ABHD2: variants seen among roughly 807,000 people sequenced by gnomAD.
ABHD2 encodes the protein abhydrolase domain containing 2, acylglycerol lipase.
Under a neutral mutation model 48.1 loss-of-function variants are expected in ABHD2, and 20 were observed. The observed-to-expected ratio is 0.42, with a 90% CI of 0.29 to 0.60. The LOEUF (loss-of-function observed/expected upper bound fraction) is 0.60. Ranked by LOEUF, ABHD2 falls within the 20% of genes least tolerant of loss-of-function variation. The pLI is 0.24. For missense variants in ABHD2, 405 were observed against 550.9 expected, an observed-to-expected ratio of 0.74 and a Z score of 2.65; for synonymous variants, 209 against 214.2, an observed-to-expected ratio of 0.98 and a Z score of 0.21.
In ABHD2 at chr15:89,201,612, T is replaced by C. The variant is rs1175510401; in HGVS notation, c.*6189T>C. Reference sequence around the variant, plus strand: ...TGACCCTGGGTCAATAATTCCACTGTTGGGCCTCACACAGTACCGGTGAGG... The same window carrying C: ...TGACCCTGGGTCAATAATTCCACTGCTGGGCCTCACACAGTACCGGTGAGG... On this transcript the variant is annotated 3_prime_UTR_variant, in exon 11 of 11. Coordinates refer to ENST00000352732, the MANE Select transcript of ABHD2 (RefSeq NM_152924.5). The C allele has an allele frequency of 6.3e-7, 1 of 1,594,238 alleles. No individual in the cohort carries two copies. The highest frequency in any genetic ancestry group is 8.6e-7 in the Non-Finnish European group (1 of 1,161,904).
At chr15:89,057,771 GA>G in the ABHD2 span, among the ~76,000 whole-genome samples, 196 of 137,362 alleles carry the variant, frequency 1.4e-3, no homozygotes, top group East Asian at 2.7e-3. Flanking sequence ...AAGAAGGAAT[GA>G]AAAAAAAAAA....
In ABHD2 at chr15:89,146,377, T is replaced by C. The variant is rs937063347; in HGVS notation, c.195-5300T>C. 6.7e-6 allele frequency among the ~76,000 whole-genome samples: 1 copy of C among 150,372 alleles called. No homozygotes were observed. The highest frequency in any genetic ancestry group is 2.5e-5 in the African/African-American group (1 of 40,734). On this transcript the variant is annotated intron_variant, in intron 3 of 10. Coordinates refer to ENST00000352732, the MANE Select transcript of ABHD2 (RefSeq NM_152924.5). The surrounding 1 kb of genome is among the most constrained non-coding windows in gnomAD (Gnocchi z 4.2). ...GTACGTGTGTGTGTGTGTGTGTGTG[T>C]GTGTGTGTGTGTGTGTGTGTGTACG... is the stretch of plus-strand genomic sequence containing the variant.
chr15:89,089,451 G>A (rs993547784), intron 1 of ABHD2, among the ~76,000 whole-genome samples: 2 of 152,248 alleles, frequency 1.3e-5, no homozygotes, highest in African/African-American at 4.8e-5. Context: ...TATACAAAAA[G>A]ATAGAGGTTT....
In ABHD2 at chr15:89,094,830, A is replaced by T. The variant is rs2049586699; in HGVS notation, c.-107+6267A>T. On this transcript the variant is annotated intron_variant, in intron 1 of 10. Transcript: ENST00000352732. This position sits in a 1 kb window ranked among gnomAD's most constrained non-coding sequence, Gnocchi z 4.7. ...GTAATCCCAGTACTTTGAGAGGCCG[A>T]GGCAGGCGGATCACTTGAGACCAGG... Among the ~76,000 whole-genome samples the T allele has an allele frequency of 2.0e-5, 3 of 152,270 alleles. No individual in the cohort carries two copies. The highest frequency in any genetic ancestry group is 2.1e-4 in the South Asian group (1 of 4,828).
intron 6 of ABHD2, among the ~76,000 whole-genome samples, chr15:89,180,768 C>A (rs4932481): frequency 6.6e-6 from 1 of 151,972 alleles, no homozygotes; most frequent in Non-Finnish European, 1.5e-5. Context: ...GGTTTTGCCC[C>A]CACTGCAGGA....
chr15:89,162,799 A>G (rs2150907298), intron 5 of ABHD2, among the ~76,000 whole-genome samples: 1 of 152,140 alleles, frequency 6.6e-6, no homozygotes, highest in East Asian at 1.9e-4. Context: ...ATTTGTTTAT[A>G]TGGCTATCAT....
In ABHD2 at chr15:89,195,469, G is replaced by A; in HGVS notation, c.*46G>A. Reference sequence around the variant, plus strand: ...CTCCAGCAGCCCTCCTCTGGAAGCTGCGTCCCCTCACCCCCTGTTTCAGGT... The same window carrying A: ...CTCCAGCAGCCCTCCTCTGGAAGCTACGTCCCCTCACCCCCTGTTTCAGGT... On this transcript the variant is annotated 3_prime_UTR_variant, in exon 11 of 11. Transcript: ENST00000352732. This position sits in a 1 kb window ranked among gnomAD's most constrained non-coding sequence, Gnocchi z 5.1. 6.3e-7 allele frequency: 1 copy of A among 1,582,060 alleles called. No individual in the cohort carries two copies. The highest frequency in any genetic ancestry group is 8.6e-7 in the Non-Finnish European group (1 of 1,164,704).
Position 89,188,640 on chromosome 15 carries a change from T to A in ABHD2, c.926+337T>A, listed in dbSNP as rs576833951. Among the ~76,000 whole-genome samples, 1 of 152,282 alleles carries A rather than the reference T, an allele frequency of 6.6e-6. No homozygotes were observed. Among genetic ancestry groups the A allele is most frequent in the South Asian group, 2.1e-4 (1 of 4,832 alleles). On this transcript the variant is annotated intron_variant, in intron 8 of 10. Coordinates refer to ENST00000352732, the MANE Select transcript of ABHD2 (RefSeq NM_152924.5). The surrounding 1 kb of genome is among the most constrained non-coding windows in gnomAD (Gnocchi z 4.1). ...CCTCAACACCAGGGCAAGTGTCAGG[T>A]GCCACATAAATCTGCATTTCGCAGT...
At chr15:89,141,651 G>A (rs1011124932) in intron 3 of ABHD2, among the ~76,000 whole-genome samples, 1 of 152,154 alleles carries the variant, frequency 6.6e-6, no homozygotes, top group African/African-American at 2.4e-5. Context: ...AGGAAGAGGG[G>A]AAGAGGGAGT....
chr15:89,069,672 C>CTGTTT, the ABHD2 span, among the ~76,000 whole-genome samples: 1 of 25,802 alleles, frequency 3.9e-5, no homozygotes, highest in South Asian at 1.7e-3. Context: ...TGTTCATTTA[C>CTGTTT]TCTTTTTTTT....
In ABHD2 at chr15:89,110,308, C is replaced by T. The variant is rs552197140; in HGVS notation, c.-106-3417C>T. 2.3e-4 allele frequency among the ~76,000 whole-genome samples: 35 copies of T among 152,228 alleles called. No individual in the cohort carries two copies. In the East Asian group the frequency reaches 6.6e-3, roughly 29 times the overall value. On this transcript the variant is annotated intron_variant, in intron 1 of 10. Transcript: ENST00000352732. Reference sequence around the variant, plus strand: ...AACTCCTGGTCTCAAGTGATCCGCCCGCCTCGGCCTGCAAAGTGCTAGGAT... The same window carrying T: ...AACTCCTGGTCTCAAGTGATCCGCCTGCCTCGGCCTGCAAAGTGCTAGGAT...
the ABHD2 span, among the ~76,000 whole-genome samples, chr15:89,046,797 T>C: frequency 6.6e-6 from 1 of 152,208 alleles, no homozygotes; most frequent in African/African-American, 2.4e-5. Flanking sequence ...CTTTTTTTCT[T>C]ATTAGTCTTG....
chr15:89,161,876 C>T (rs75287005), intron 5 of ABHD2, among the ~76,000 whole-genome samples: 5 of 152,168 alleles, frequency 3.3e-5, no homozygotes, highest in East Asian at 1.9e-4. Context: ...ATTTTCTCAC[C>T]GTTCTGGGGC....
intron 5 of ABHD2, among the ~76,000 whole-genome samples, chr15:89,159,106 G>C (rs1049942488): frequency 3.3e-5 from 5 of 152,098 alleles, no homozygotes; most frequent in African/African-American, 1.2e-4. Flanking sequence ...GCCGGGCACG[G>C]TGGCTCATGC....
chr15:89,155,629 T>G lies in ABHD2; in HGVS notation c.538+95T>G. 6.9e-7 allele frequency: 1 copy of G among 1,449,988 alleles called. No individual in the cohort carries two copies. The highest frequency in any genetic ancestry group is 9.3e-7 in the Non-Finnish European group (1 of 1,073,688). The allele number at this position is 1,449,988 out of a possible 1,614,324, so 89.8% of individuals were successfully genotyped here. A position where few individuals can be genotyped will look rare whatever the true frequency, so the allele number is the denominator to read the frequency against. ...TTTCTTTTTTTAAGTTTTAAACCTA[T>G]GCCCATCTGCAAGAGATGGTAGGTC... On this transcript the variant is annotated intron_variant, in intron 5 of 10. Coordinates refer to ENST00000352732, the MANE Select transcript of ABHD2 (RefSeq NM_152924.5). This position sits in a 1 kb window ranked among gnomAD's most constrained non-coding sequence, Gnocchi z 4.9.
chr15:89,157,999 G>A (rs895441104), intron 5 of ABHD2, among the ~76,000 whole-genome samples: 2 of 152,022 alleles, frequency 1.3e-5, no homozygotes, highest in African/African-American at 4.8e-5. Context: ...TAATGGTAAT[G>A]TCCTGTGCTT....
In ABHD2 at chr15:89,175,955, C is replaced by T. The variant is rs375201895; in HGVS notation, c.682C>T (p.Leu228=). ...GETQANQEKV[L]CCVSVCQGYS... ...GACTCAGGCAAACCAAGAGAAGGTCCTGTGCTGCGTCAGCGTGTGCCAGGG... is the reference window on the plus strand; with the variant it reads ...GACTCAGGCAAACCAAGAGAAGGTCTTGTGCTGCGTCAGCGTGTGCCAGGG... Residue 228 remains leucine (L), a synonymous_variant, in exon 6 of 11, where the codon CTG becomes TTG. Coordinates refer to ENST00000352732, the MANE Select transcript of ABHD2 (RefSeq NM_152924.5). The surrounding 1 kb of genome is among the most constrained non-coding windows in gnomAD (Gnocchi z 5.7). 1 of 1,613,566 alleles carries T rather than the reference C, an allele frequency of 6.2e-7. No individual in the cohort carries two copies. The highest frequency in any genetic ancestry group is 1.1e-5 in the South Asian group (1 of 91,048).
intron 3 of ABHD2, among the ~76,000 whole-genome samples, chr15:89,129,470 A>C (rs2050185711): frequency 2.6e-5 from 4 of 152,222 alleles, no homozygotes; most frequent in Non-Finnish European, 5.9e-5. Flanking sequence ...ACAGGTCAGC[A>C]CAATAGCAAC....
At chr15:89,058,839 G>T in the ABHD2 span, among the ~76,000 whole-genome samples, 1 of 151,372 alleles carries the variant, frequency 6.6e-6, no homozygotes, top group Admixed American at 6.6e-5. Context: ...GCAATCCAAC[G>T]TTGGACAGAA....
Sources: allele counts gnomAD v4.1 joint callset (sites outside exome capture counted in the v4.1 genomes callset), GRCh38; gene constraint gnomAD v4.1.1; non-coding constraint Gnocchi (gnomAD v3.1); transcripts MANE v1.5; gene names NCBI Gene and HGNC (gene_info 2026-07-23, HGNC 2026-07-21).